Variants in COBL observed in about 807,000 individuals in gnomAD.
COBL encodes cordon-bleu WH2 repeat protein.
COBL carries 51 observed loss-of-function variants against 98.8 expected under a neutral mutation model. The ratio of observed to expected loss-of-function variants is 0.52; its 90% CI spans 0.41 to 0.65. The LOEUF is 0.65. Among genes scored for constraint, COBL ranks in the 30% least tolerant of loss-of-function variants. The pLI is 0.00. For missense variants in COBL, 1,617 were observed against 1,617.5 expected (o/e 1.00, Z 0.01); for synonymous variants, 634 against 651.7 (o/e 0.97, Z 0.41).
intron 7 of COBL, among the ~76,000 whole-genome samples, chr7:51,066,918 TCTAA>T (rs1321724811): frequency 6.6e-6 from 1 of 152,248 alleles, no homozygotes; most frequent in Non-Finnish European, 1.5e-5. Flanking sequence ...TTCTGCCCTA[TCTAA>T]CTATGGAAGA....
chr7:51,024,012 C>G (rs1787212887), intron 12 of COBL, among the ~76,000 whole-genome samples: 1 of 152,164 alleles, frequency 6.6e-6, no homozygotes, highest in African/African-American at 2.4e-5. Context: ...AATAATCACT[C>G]AGAAAATAAA....
chr7:51,271,160 C>T (rs1200097762), intron 1 of COBL, among the ~76,000 whole-genome samples: 1 of 152,218 alleles, frequency 6.6e-6, no homozygotes, highest in Non-Finnish European at 1.5e-5. Flanking sequence ...TCCATGGCTG[C>T]TTTCTCCATA....
intron 1 of COBL, among the ~76,000 whole-genome samples, chr7:51,226,306 T>G (rs913530917): frequency 6.6e-6 from 1 of 151,854 alleles, no homozygotes; most frequent in Admixed American, 6.6e-5. Context: ...CAGAAGGGAG[T>G]TGCCATTCTC....
intron 5 of COBL, among the ~76,000 whole-genome samples, chr7:51,150,867 T>C (rs1785487027): frequency 6.6e-6 from 1 of 152,154 alleles, no homozygotes; most frequent in Non-Finnish European, 1.5e-5. Context: ...TGGGATGTCA[T>C]GTTCTTACCC....
At chr7:51,154,401 G>A (rs1785893543) in intron 5 of COBL, among the ~76,000 whole-genome samples, 1 of 152,170 alleles carries the variant, frequency 6.6e-6, no homozygotes, top group South Asian at 2.1e-4. Flanking sequence ...TTAGAGCAAG[G>A]GTGCCACAGA....
At chr7:51,018,733 A>C (rs1285102292) in intron 12 of COBL, among the ~76,000 whole-genome samples, 3 of 151,024 alleles carry the variant, frequency 2.0e-5, no homozygotes, top group Non-Finnish European at 4.4e-5. Context: ...TCTCTACTAA[A>C]AATAAAAAAT....
At chr7:51,044,509 A>C (rs1789510829) in intron 7 of COBL, among the ~76,000 whole-genome samples, 1 of 152,254 alleles carries the variant, frequency 6.6e-6, no homozygotes, top group South Asian at 2.1e-4. Flanking sequence ...AATTTGAAGG[A>C]CAAAAACACA....
At chr7:51,315,446 G>A (rs1803458551) in intron 1 of COBL, among the ~76,000 whole-genome samples, 1 of 152,234 alleles carries the variant, frequency 6.6e-6, no homozygotes, top group African/African-American at 2.4e-5. Flanking sequence ...CACATGGGCA[G>A]GGTGAGTCAG....
chr7:51,300,756 G>C (rs894502704), intron 1 of COBL, among the ~76,000 whole-genome samples: 1 of 152,110 alleles, frequency 6.6e-6, no homozygotes, highest in Non-Finnish European at 1.5e-5. Context: ...GCCTGCCACC[G>C]CACTCACTTC....
rs182248411 is a variant in COBL at position 51,162,833 on chromosome 7, T to C, written c.783+21269A>G. On this transcript the variant is annotated intron_variant, in intron 5 of 12. Transcript: ENST00000265136. ...CTCGGCCTCCGCCAGGCTAAGCCTC[T>C]GTGCTCATCAGAGATTCACTATGAC... is the stretch of plus-strand genomic sequence containing the variant. Among the ~76,000 whole-genome samples, 521 of 152,372 alleles carry C rather than the reference T, an allele frequency of 3.4e-3. 1 individual carries two copies. Among genetic ancestry groups the C allele is most frequent in the Non-Finnish European group, 4.9e-3 (333 of 68,032 alleles).
chr7:51,202,989 C>T (rs1272724092), intron 2 of COBL, among the ~76,000 whole-genome samples: 8 of 151,926 alleles, frequency 5.3e-5, no homozygotes, highest in South Asian at 2.1e-4. Flanking sequence ...TGCAGTGATC[C>T]GCGATCGCAC....
chr7:51,040,720 G>A (rs900672186), intron 8 of COBL, among the ~76,000 whole-genome samples: 3 of 152,166 alleles, frequency 2.0e-5, no homozygotes, highest in Non-Finnish European at 1.5e-5. Flanking sequence ...CCCCACCACA[G>A]TACTCTCAAA....
chr7:51,304,548 G>A (rs955426044), intron 1 of COBL, among the ~76,000 whole-genome samples: 2 of 152,140 alleles, frequency 1.3e-5, no homozygotes, highest in Non-Finnish European at 2.9e-5. Context: ...GGTGGCATTG[G>A]CCGCATTTCT....
chr7:51,025,446 C>CA, intron 11 of COBL, 74 bp from the exon 12 acceptor site: 1 of 1,502,292 alleles, frequency 6.7e-7, no homozygotes, highest in Non-Finnish European at 9.2e-7. Flanking sequence ...TCCCAACGCC[C>CA]AAGGTAGTGG....
chr7:51,269,546 G>A (rs1301733791), intron 1 of COBL, among the ~76,000 whole-genome samples: 1 of 152,224 alleles, frequency 6.6e-6, no homozygotes, highest in African/African-American at 2.4e-5. Flanking sequence ...TCAGGAGCGT[G>A]GGCTCCATGT....
chr7:51,259,881 T>G (rs2129146823), intron 1 of COBL: 2 of 756,176 alleles, frequency 2.6e-6, no homozygotes, highest in East Asian at 4.9e-5. Flanking sequence ...CTCATGTCAT[T>G]AATCCTTTCA....
At chr7:51,179,512 T>C (rs564017480) in intron 5 of COBL, among the ~76,000 whole-genome samples, 1 of 152,202 alleles carries the variant, frequency 6.6e-6, no homozygotes, top group Non-Finnish European at 1.5e-5. Flanking sequence ...AGCCAAGAGA[T>C]GGTGCTTAAC....
At chr7:51,047,950 T>C (rs1789878100) in intron 7 of COBL, among the ~76,000 whole-genome samples, 2 of 152,140 alleles carry the variant, frequency 1.3e-5, no homozygotes, top group African/African-American at 4.8e-5. Flanking sequence ...GCGGATCACT[T>C]GAGGCCAGGA....
intron 1 of COBL, among the ~76,000 whole-genome samples, chr7:51,308,155 T>C (rs1441309991): frequency 6.6e-6 from 1 of 152,242 alleles, no homozygotes; most frequent in East Asian, 1.9e-4. Flanking sequence ...GCCTAACAGT[T>C]TGTGCATTGA....
Sources: allele counts gnomAD v4.1 joint callset (sites outside exome capture counted in the v4.1 genomes callset), GRCh38; gene constraint gnomAD v4.1.1; transcripts MANE v1.5; gene names NCBI Gene and HGNC (gene_info 2026-07-23, HGNC 2026-07-21).